Variants in ZAN observed in about 807,000 individuals in gnomAD.
ZAN encodes the protein zonadhesin (gene/pseudogene).
ZAN carries 260 observed loss-of-function variants against 286.2 expected under a neutral mutation model. The ratio of observed to expected loss-of-function variants is 0.91; its 90% CI spans 0.82 to 1.01. The LOEUF is 1.01. Ranked by LOEUF, ZAN falls within the 50% of genes least tolerant of loss-of-function variation. The pLI is 0.00. For synonymous variants in ZAN, 1,368 were observed against 1,417.5 expected, an observed-to-expected ratio of 0.97 and a Z score of 0.79; for missense variants, 3,410 against 3,639.2, an observed-to-expected ratio of 0.94 and a Z score of 1.62.
Position 100,756,779 on chromosome 7 carries a change from T to C in ZAN, c.3309+1369T>C, listed in dbSNP as rs146097322. Among the ~76,000 whole-genome samples the C allele has an allele frequency of 3.9e-3, 593 of 152,276 alleles. 4 individuals are homozygous for C. The highest frequency in any genetic ancestry group is 0.013 in the African/African-American group (554 of 41,566). Reference sequence around the variant, plus strand: ...TTCTAGCCGTGTTTGTTTGTCTGTTTGTTTTTGAGACAGAGTTTCGCTCTT... The same window carrying C: ...TTCTAGCCGTGTTTGTTTGTCTGTTCGTTTTTGAGACAGAGTTTCGCTCTT... On this transcript the variant is annotated intron_variant, in intron 15 of 47. Transcript: ENST00000613979.
intron 19 of ZAN, among the ~76,000 whole-genome samples, chr7:100,761,457 T>C (rs891654229): frequency 4.6e-5 from 7 of 151,716 alleles, no homozygotes; most frequent in Non-Finnish European, 8.8e-5. Flanking sequence ...CTGGACAACA[T>C]AGTGAGATCC....
At chr7:100,778,277 A>G (rs371742429) in intron 34 of ZAN, among the ~76,000 whole-genome samples, 3 of 152,290 alleles carry the variant, frequency 2.0e-5, no homozygotes, top group African/African-American at 7.2e-5. Context: ...ACTGCACTCC[A>G]GCCTGGATGA....
chr7:100,792,994 AAAAG>A (rs544434387), intron 42 of ZAN, among the ~76,000 whole-genome samples: 2,505 of 116,318 alleles, frequency 0.022, 24 homozygotes, highest in Middle Eastern at 0.046. Context: ...AAAAAAAAAA[AAAAG>A]AAAGAAAGAA....
intron 13 of ZAN, 21 bp downstream of exon 13, chr7:100,751,287 C>T (rs1045187404): frequency 2.6e-6 from 4 of 1,535,444 alleles, no homozygotes; most frequent in Admixed American, 2.0e-5. Context: ...AGCCCAGGCT[C>T]CAGGAAGGGG....
chr7:100,795,830 T>C lies in ZAN; in HGVS notation c.8266+494T>C, dbSNP rs539405481. Among the ~76,000 whole-genome samples the C allele has an allele frequency of 9.2e-5, 14 of 151,612 alleles. No individual in the cohort carries two copies. In the South Asian group the frequency reaches 2.5e-3, roughly 27 times the overall value. On this transcript the variant is annotated intron_variant, in intron 45 of 47. Transcript: ENST00000613979. ...CTGAGGCAGGAGAATCACTTGAACC[T>C]GGGAGGTGGAGGTTGCAGTGAGCCA...
rs1174182868 is a variant in ZAN at position 100,784,604 on chromosome 7, C to T, written c.6623-19C>T. ...CCCTGTGACCCTCTCCACTGACCCA[C>T]TGTCTCCTTCACCCACAGCTCTGGA... On this transcript the variant is annotated intron_variant, in intron 35 of 47. Transcript: ENST00000613979. 1.2e-6 allele frequency: 2 copies of T among 1,612,350 alleles called. No individual in the cohort carries two copies. The highest frequency in any genetic ancestry group is 3.3e-5 in the Admixed American group (2 of 59,954).
Position 100,763,913 on chromosome 7 carries a change from T to A in ZAN, c.4094T>A (p.Phe1365Tyr). Reference sequence around the variant, plus strand: ...CGGCTGGTCGACACTCATGGCCCATTTGAGTATGAAGGAGGGCAGGCAGGG... The same window carrying A: ...CGGCTGGTCGACACTCATGGCCCATATGAGTATGAAGGAGGGCAGGCAGGG... ...CGRLVDTHGPFETCLLHVKAA... is the reference protein window; with the variant it reads ...CGRLVDTHGPYETCLLHVKAA... Residue 1365 changes from phenylalanine (F) to tyrosine (Y), a missense_variant, in exon 21 of 48, where the codon TTT becomes TAT. Phe to Tyr is a conservative substitution (Grantham distance 22, BLOSUM62 3). This residue lies in a region of ZAN where 1,042 missense variants were observed against 1,058.0 expected (regional missense o/e 0.98). Transcript: ENST00000613979. This position sits in a 1 kb window ranked among gnomAD's most constrained non-coding sequence, Gnocchi z 4.6. 6.2e-7 allele frequency: 1 copy of A among 1,613,904 alleles called. No homozygotes were observed. The highest frequency in any genetic ancestry group is 1.3e-5 in the African/African-American group (1 of 75,040).
chr7:100,736,893 GC>G lies in ZAN; in HGVS notation c.343del (p.Leu115SerfsTer62), dbSNP rs1562909018. 5.4e-6 allele frequency: 8 copies of G among 1,488,436 alleles called. 1 individual carries two copies. Among genetic ancestry groups the G allele is most frequent in the Non-Finnish European group, 6.4e-6 (7 of 1,089,974 alleles). The allele number at this position is 1,488,436 out of a possible 1,614,324, so 92.2% of individuals were successfully genotyped here. ...CTCAGCCCCGACCTATGGGAGCAAG[GC>G]CCCCTCTGTGTGCACTTTGCCCACC... ...RLLSPDLWEQ[G>X]PLCVHFAHHM... On this transcript the variant is annotated frameshift_variant, in exon 5 of 48. Coordinates refer to ENST00000613979, the MANE Select transcript of ZAN (RefSeq NM_003386.3). LOFTEE classifies it high-confidence loss of function.
intron 23 of ZAN, 29 bp from the exon 24 acceptor site, chr7:100,766,494 CTT>C: frequency 2.6e-6 from 4 of 1,536,634 alleles, no homozygotes; most frequent in Non-Finnish European, 3.5e-6. Context: ...AAAAAAAACA[CTT>C]TCTCTTCCTT....
rs17162410 is a variant in ZAN at position 100,750,704 on chromosome 7, C to T, written c.1329C>T (p.Cys443=). 0.029 allele frequency: 46,720 copies of T among 1,612,884 alleles called. 1,800 individuals are homozygous for T. The highest frequency in any genetic ancestry group is 0.12 in the South Asian group (10,969 of 90,834). ...TCAGACTGGTGAGCCGGCCCTTCTGCGCCCCAGGTGACATCTGCGTGGAGT... is the reference window on the plus strand; with the variant it reads ...TCAGACTGGTGAGCCGGCCCTTCTGTGCCCCAGGTGACATCTGCGTGGAGT... ...QSVRLVSRPF[C]APGDICVEFA... Residue 443 remains cysteine (C), a synonymous_variant, in exon 12 of 48, where the codon TGC becomes TGT. Transcript: ENST00000613979.
chr7:100,751,972 T>G lies in ZAN; in HGVS notation c.1867T>G (p.Ser623Ala). 1 of 1,554,034 alleles carries G rather than the reference T, an allele frequency of 6.4e-7. No individual in the cohort carries two copies. Among genetic ancestry groups the G allele is most frequent in the Non-Finnish European group, 8.7e-7 (1 of 1,153,232 alleles). Residue 623 changes from serine to alanine, a missense_variant, in exon 14 of 48, where the codon TCA (serine) becomes GCA (alanine). Transcript: ENST00000613979. ...NMPSEKPTIPSEKPTILTEKP... is the reference protein window; with the variant it reads ...NMPSEKPTIPAEKPTILTEKP... ...GCCCTCAGAAAAACCCACCATTCCC[T>G]CAGAAAAACCCACCATCCTCACAGA... is the stretch of plus-strand genomic sequence containing the variant.
At position 100,736,247 on chromosome 7, in the gene ZAN, A is replaced by T. The variant is rs1175156611; in HGVS notation, c.107-236A>T. ...GAGACGGAGTCTCCCTCTGTCCCTCAGGCTGGAGTGCAGTGGCGCGATCTT... is the reference window on the plus strand; with the variant it reads ...GAGACGGAGTCTCCCTCTGTCCCTCTGGCTGGAGTGCAGTGGCGCGATCTT... On this transcript the variant is annotated intron_variant, in intron 3 of 47. Coordinates refer to ENST00000613979, the MANE Select transcript of ZAN (RefSeq NM_003386.3). 6.3e-5 allele frequency among the ~76,000 whole-genome samples: 9 copies of T among 142,384 alleles called. 1 individual carries two copies. The highest frequency in any genetic ancestry group is 1.4e-4 in the Non-Finnish European group (9 of 63,346). 93.4% of individuals were successfully genotyped at this position (142,384 alleles called of 152,430 possible).
intron 12 of ZAN, 78 bp downstream of exon 12, chr7:100,750,974 T>C: frequency 6.6e-7 from 1 of 1,504,424 alleles, no homozygotes; most frequent in Non-Finnish European, 8.9e-7. Flanking sequence ...CCACCAGTGC[T>C]GAAGAGGTGG....
In ZAN at chr7:100,751,227, G is replaced by C; in HGVS notation, c.1567G>C (p.Ala523Pro). The C allele has an allele frequency of 6.2e-7, 1 of 1,609,760 alleles. No homozygotes were observed. The highest frequency in any genetic ancestry group is 8.5e-7 in the Non-Finnish European group (1 of 1,178,248). ...IQGSNTASVV[A>P]MGFILINPGT... ...GGGAAGCAACACGGCCTCTGTGGTT[G>C]CTATGGGTTTCATCTTGATCAATCC... Residue 523 changes from alanine to proline, a missense_variant, in exon 13 of 48, where the codon GCT (alanine) becomes CCT (proline). Physicochemically the swap from Ala to Pro is conservative, Grantham distance 27. Transcript: ENST00000613979.
intron 26 of ZAN, 39 bp downstream of exon 26, chr7:100,768,050 T>C (rs1810122478): frequency 1.0e-5 from 16 of 1,584,292 alleles, no homozygotes; most frequent in Non-Finnish European, 1.4e-5. Context: ...GCTGGGACAA[T>C]GAGTAGGCGT....
chr7:100,736,570 G>C lies in ZAN; in HGVS notation c.194G>C (p.Arg65Pro), dbSNP rs747311217. 8.5e-6 allele frequency: 13 copies of C among 1,523,092 alleles called. 3 individuals are homozygous for C. The highest frequency in any genetic ancestry group is 1.2e-5 in the Non-Finnish European group (13 of 1,107,568). The allele number at this position is 1,523,092 out of a possible 1,614,324, so 94.3% of individuals were successfully genotyped here. Reference protein sequence around the residue: ...QVSADDEDWVRASGPSPTGST... With the variant: ...QVSADDEDWVPASGPSPTGST... ...TCCGCAGACGATGAAGACTGGGTTCGAGCCAGTGGGCCCTCTCCCACCGGC... is the reference window on the plus strand; with the variant it reads ...TCCGCAGACGATGAAGACTGGGTTCCAGCCAGTGGGCCCTCTCCCACCGGC... Residue 65 changes from arginine (R) to proline (P), a missense_variant, in exon 4 of 48, where the codon CGA (arginine) becomes CCA (proline). Physicochemically the swap from Arg to Pro is moderately radical, Grantham distance 103. This residue lies in a region of ZAN where 872 missense variants were observed against 938.9 expected (regional missense o/e 0.93). Coordinates refer to ENST00000613979, the MANE Select transcript of ZAN (RefSeq NM_003386.3).
At chr7:100,777,446 C>T (rs753098342) in intron 34 of ZAN, among the ~76,000 whole-genome samples, 6 of 152,064 alleles carry the variant, frequency 3.9e-5, no homozygotes, top group Non-Finnish European at 4.4e-5. Context: ...CCTCTGCTTC[C>T]GGGGTTCAAG....
chr7:100,792,647 C>T, intron 42 of ZAN, 168 bp downstream of exon 42: 1 of 1,399,752 alleles, frequency 7.1e-7, no homozygotes, highest in Non-Finnish European at 9.3e-7. Flanking sequence ...CTGTCTTAGT[C>T]CCATCATCCC....
chr7:100,752,972 C>T lies in ZAN; in HGVS notation c.2867C>T (p.Thr956Ile). The change falls in exon 14 of 48, where the codon ACC (threonine) becomes ATC (isoleucine). Residue 956 changes from threonine to isoleucine, a missense_variant. Thr to Ile is a moderately conservative substitution (Grantham distance 89). Coordinates refer to ENST00000613979, the MANE Select transcript of ZAN (RefSeq NM_003386.3). ...CCCACCATCTCCCCAGAAAAACTCA[C>T]CATCCCCACAGAAAAACCCACCATC... ...EKPTISPEKL[T>I]IPTEKPTIST... is the part of the protein sequence containing the mutation. The T allele has an allele frequency of 6.2e-7, 1 of 1,610,060 alleles. No homozygotes were observed. Among genetic ancestry groups the T allele is most frequent in the Non-Finnish European group, 8.5e-7 (1 of 1,178,064 alleles).
Sources: gnomAD v4.1 joint callset for allele counts (sites outside exome capture counted in the v4.1 genomes callset) on GRCh38, gnomAD v4.1.1 for gene constraint, gnomAD v4.1.1 regional missense constraint, Gnocchi (gnomAD v3.1) non-coding constraint, MANE v1.5 for transcripts, NCBI Gene and HGNC (gene_info 2026-07-23, HGNC 2026-07-21) for gene names.